The following SOX5 variants were observed in gnomAD, a reference collection of about 807,000 sequenced individuals.
The protein encoded by SOX5 is SRY-box transcription factor 5, also known as transcription factor SOX-5.
Under a neutral mutation model 92.0 loss-of-function variants are expected in SOX5, and 9 were observed. The observed-to-expected ratio is 0.10, with a 90% CI of 0.06 to 0.17. SOX5 has a LOEUF of 0.17. Ranked by LOEUF, SOX5 falls within the 10% of genes least tolerant of loss-of-function variation. The pLI, the probability that SOX5 is intolerant of heterozygous loss-of-function variation, is 1.00. For synonymous variants in SOX5, 344 were observed against 336.3 expected (o/e 1.02, Z -0.25); for missense variants, 642 against 944.5 (o/e 0.68, Z 4.20).
chr12:23,959,053 G>T (rs991189140), intron 4 of SOX5, among the ~76,000 whole-genome samples: 2 of 151,854 alleles, frequency 1.3e-5, no homozygotes, highest in East Asian at 3.9e-4. Context: ...GACATACCAA[G>T]TTCCTCAATA....
intron 1 of SOX5, among the ~76,000 whole-genome samples, chr12:24,497,391 G>A (rs1380065602): frequency 6.6e-6 from 1 of 152,170 alleles, no homozygotes; most frequent in Non-Finnish European, 1.5e-5. Context: ...AGAGGTCAAG[G>A]ATGGATTTTA....
chr12:23,636,648 C>A (rs1251463582), intron 8 of SOX5, among the ~76,000 whole-genome samples: 1 of 152,110 alleles, frequency 6.6e-6, no homozygotes, highest in East Asian at 1.9e-4. Context: ...TGTAAAGAGG[C>A]ATGAAATAGA....
At chr12:24,196,826 C>T (rs886468078) in intron 4 of SOX5, among the ~76,000 whole-genome samples, 3 of 152,014 alleles carry the variant, frequency 2.0e-5, no homozygotes, top group Admixed American at 6.5e-5. Context: ...TTGCTTGAGC[C>T]GGGGAGGTGG....
intron 2 of SOX5, among the ~76,000 whole-genome samples, chr12:23,861,983 T>C (rs1043735996): frequency 1.3e-5 from 2 of 152,214 alleles, no homozygotes; most frequent in African/African-American, 4.8e-5. Flanking sequence ...TAATTAATTA[T>C]ACATTTTTGG....
chr12:24,254,914 C>T (rs1940883957), intron 3 of SOX5, among the ~76,000 whole-genome samples: 1 of 151,944 alleles, frequency 6.6e-6, no homozygotes, highest in African/African-American at 2.4e-5. Flanking sequence ...GTTGGTCCAC[C>T]CACTTTACTC....
At chr12:24,066,997 A>G (rs1474197340) in intron 4 of SOX5, among the ~76,000 whole-genome samples, 1 of 152,168 alleles carries the variant, frequency 6.6e-6, no homozygotes, top group Non-Finnish European at 1.5e-5. Context: ...TTTCCTTTCA[A>G]TCCTCTGTTC....
At chr12:23,883,770 G>C (rs975115958) in intron 2 of SOX5, among the ~76,000 whole-genome samples, 3 of 152,188 alleles carry the variant, frequency 2.0e-5, no homozygotes, top group Admixed American at 1.3e-4. Flanking sequence ...AGATATTGGT[G>C]TGGTGGTGTT....
intron 3 of SOX5, among the ~76,000 whole-genome samples, chr12:23,790,107 T>A (rs1408747810): frequency 1.3e-5 from 2 of 152,116 alleles, no homozygotes; most frequent in Non-Finnish European, 1.5e-5. Flanking sequence ...ACCTAACAAT[T>A]TGGGCTCAAT....
At chr12:24,446,711 G>C (rs1941534465) in intron 1 of SOX5, among the ~76,000 whole-genome samples, 3 of 152,182 alleles carry the variant, frequency 2.0e-5, no homozygotes, top group African/African-American at 7.2e-5. Context: ...CAGGCAAGAG[G>C]TGATAGTAAT....
At chr12:23,872,095 T>TCACGC (rs2096879492) in intron 2 of SOX5, among the ~76,000 whole-genome samples, 3 of 149,980 alleles carry the variant, frequency 2.0e-5, no homozygotes, top group Admixed American at 1.3e-4. Flanking sequence ...CCTCCCGGGT[T>TCACGC]CACGCCATTC....
At position 24,410,934 on chromosome 12, in the gene SOX5, C is replaced by T. The variant is rs112664822; in HGVS notation, c.-250-42295G>A. 4.0e-3 allele frequency among the ~76,000 whole-genome samples: 614 copies of T among 152,220 alleles called. 5 individuals carry two copies. Among genetic ancestry groups the T allele is most frequent in the Middle Eastern group, 0.017 (5 of 294 alleles). On this transcript the variant is annotated intron_variant, in intron 1 of 4. Transcript: ENST00000446891. ...TGCCATCTTTGCCATGTTGAGTGTT[C>T]CAGTCCATGAACATGATAGAGCTAT...
Position 23,979,698 on chromosome 12 carries a change from G to GTTTTTTTTTTTTTTTTT in SOX5, c.-1-83675_-1-83674insAAAAAAAAAAAAAAAAA, listed in dbSNP as rs67253622. ...TTCTTCCTTCCATATATATATATAT[G>GTTTTTTTTTTTTTTTTT]TTTTTTTTGTTTTTTTTTTTTTTTT... On this transcript the variant is annotated intron_variant, in intron 4 of 4. Transcript: ENST00000446891. Among the ~76,000 whole-genome samples the GTTTTTTTTTTTTTTTTT allele has an allele frequency of 1.3e-3, 86 of 64,704 alleles. 33 individuals carry two copies. Among genetic ancestry groups the GTTTTTTTTTTTTTTTTT allele is most frequent in the East Asian group, 0.012 (15 of 1,282 alleles). The allele number at this position is 64,704 out of a possible 152,430, so 42.4% of individuals were successfully genotyped here.
intron 1 of SOX5, among the ~76,000 whole-genome samples, chr12:24,547,549 G>A (rs1315738836): frequency 6.6e-6 from 1 of 152,188 alleles, no homozygotes; most frequent in Non-Finnish European, 1.5e-5. Flanking sequence ...TAGAAACACA[G>A]AATTGAAAGC....
At chr12:24,216,489 A>G (rs1247913196) in intron 3 of SOX5, among the ~76,000 whole-genome samples, 1 of 152,062 alleles carries the variant, frequency 6.6e-6, no homozygotes, top group Non-Finnish European at 1.5e-5. Context: ...GCCTCGGAAA[A>G]AAAAAATAAA....
At chr12:23,638,511 C>T (rs1379105630) in intron 8 of SOX5, 2 of 152,156 alleles carry the variant, frequency 1.3e-5, no homozygotes, top group African/African-American at 4.8e-5. Flanking sequence ...TTATACTCCA[C>T]TGAGATGAAA....
Position 23,741,008 on chromosome 12 carries a change from C to T in SOX5, c.600G>A (p.Arg200=). The change falls in exon 5 of 15, where the codon AGG becomes AGA. Residue 200 remains arginine, a synonymous_variant. Transcript: ENST00000451604. ...GTPESLAEKE[R]QLMGMINQLT... is the part of the protein sequence containing the mutation. ...GCTGGTTGATCATACCCATGAGTTG[C>T]CTTTCTTTCTCAGCTAAGCTCTCGG... 3.1e-6 allele frequency: 5 copies of T among 1,605,710 alleles called. No homozygotes were observed. Among genetic ancestry groups the T allele is most frequent in the African/African-American group, 1.3e-5 (1 of 74,758 alleles).
chr12:24,430,584 C>A (rs560058132), intron 1 of SOX5, among the ~76,000 whole-genome samples: 2 of 151,816 alleles, frequency 1.3e-5, no homozygotes, highest in Non-Finnish European at 2.9e-5. Flanking sequence ...TTTTTGAGAA[C>A]AACAAGTGCA....
intron 2 of SOX5, among the ~76,000 whole-genome samples, chr12:24,312,788 T>G (rs183973659): frequency 6.6e-6 from 1 of 152,198 alleles, no homozygotes; most frequent in Non-Finnish European, 1.5e-5. Context: ...TCCAAACTCA[T>G]GAAGCAACTC....
At chr12:24,340,434 G>A (rs1016465024) in intron 2 of SOX5, among the ~76,000 whole-genome samples, 2 of 152,122 alleles carry the variant, frequency 1.3e-5, no homozygotes, top group African/African-American at 4.8e-5. Flanking sequence ...TTGACACAAC[G>A]AATCCACCTA....
Sources: allele counts gnomAD v4.1 joint callset (sites outside exome capture counted in the v4.1 genomes callset), GRCh38; gene constraint gnomAD v4.1.1; transcripts MANE v1.5; gene names NCBI Gene and HGNC (gene_info 2026-07-23, HGNC 2026-07-21).